CRLF1: variants seen among roughly 807,000 people sequenced by gnomAD.
CRLF1 encodes cytokine receptor-like factor 1.
Under a neutral mutation model 48.9 loss-of-function variants are expected in CRLF1, and 36 were observed. The ratio of observed to expected loss-of-function variants is 0.74; its 90% CI spans 0.56 to 0.97. The LOEUF (loss-of-function observed/expected upper bound fraction) is 0.97, where lower values mean the gene tolerates loss of function less well. Among genes scored for constraint, CRLF1 ranks in the 50% least tolerant of loss-of-function variants. CRLF1 has a pLI of 0.00. For synonymous variants in CRLF1, 256 were observed against 253.4 expected (o/e 1.01, Z -0.10); for missense variants, 534 against 575.1 (o/e 0.93, Z 0.73).
chr19:18,596,553 C>T (rs1976135161), intron 6 of CRLF1, 69 bp downstream of exon 6: 1 of 1,548,984 alleles, frequency 6.5e-7, no homozygotes. Flanking sequence ...GAAAAGAAAA[C>T]AAGGAAACAG....
At chr19:18,600,352 C>G (rs926238418) in intron 1 of CRLF1, among the ~76,000 whole-genome samples, 1 of 148,872 alleles carries the variant, frequency 6.7e-6, no homozygotes, top group African/African-American at 2.5e-5. Context: ...GTGTGCACCA[C>G]CATGCCTGAC....
intron 5 of CRLF1, 41 bp from the exon 6 acceptor site, chr19:18,596,831 A>C: frequency 1.2e-6 from 2 of 1,612,720 alleles, no homozygotes; most frequent in South Asian, 1.1e-5. Flanking sequence ...GGCGGGGCCT[A>C]GCAGGAGCGG....
chr19:18,606,475 C>T lies in CRLF1; in HGVS notation c.115+67G>A. The stretch of plus-strand genomic sequence containing the variant: ...GTGGCGCCCGCGCCCCCTCCCCCCG[C>T]GGCTGCCCCCGGGGCGCCCGCCCTC... On this transcript the variant is annotated intron_variant, in intron 1 of 8. Transcript: ENST00000392386. The surrounding 1 kb of genome is among the most constrained non-coding windows in gnomAD (Gnocchi z 4.8). 1.9e-6 allele frequency: 2 copies of T among 1,075,548 alleles called. No individual in the cohort carries two copies. Among genetic ancestry groups the T allele is most frequent in the Non-Finnish European group, 1.1e-6 (1 of 886,670 alleles). The allele number at this position is 1,075,548 out of a possible 1,614,324, so 66.6% of individuals were successfully genotyped here. A position where few individuals can be genotyped will look rare whatever the true frequency, so the allele number is the denominator to read the frequency against.
rs1393537495 is a variant in CRLF1, at chr19:18,596,915, C to T, written c.832G>A (p.Val278Met). The change falls in exon 5 of 9, where the codon GTG becomes ATG. Residue 278 changes from valine to methionine, a missense_variant. Coordinates refer to ENST00000392386, the MANE Select transcript of CRLF1 (RefSeq NM_004750.5). ...ACCTTCCAGTCCACACTGTCCTCCACTCGGTAGCGGATCTGGTATTTGGCT... is the reference window on the plus strand; with the variant it reads ...ACCTTCCAGTCCACACTGTCCTCCATTCGGTAGCGGATCTGGTATTTGGCT... The part of the protein sequence containing the change: ...FQAKYQIRYR[V>M]EDSVDWKVVD... The T allele has an allele frequency of 1.1e-5, 17 of 1,614,018 alleles. No homozygotes were observed. Among genetic ancestry groups the T allele is most frequent in the Non-Finnish European group, 1.3e-5 (15 of 1,180,026 alleles).
chr19:18,593,660 C>T (rs1162520649), intron 8 of CRLF1, 81 bp from the exon 9 acceptor site: 5 of 1,553,516 alleles, frequency 3.2e-6, no homozygotes, highest in Admixed American at 1.9e-5. Context: ...AGGCTTCATT[C>T]GTGTCCTGTC....
At chr19:18,595,564 T>TG (rs1341132317) in intron 6 of CRLF1, among the ~76,000 whole-genome samples, 3 of 152,168 alleles carry the variant, frequency 2.0e-5, no homozygotes, top group Non-Finnish European at 4.4e-5. Flanking sequence ...AGTGAAACCC[T>TG]GGGGGGATGG....
rs780531297 is a variant in CRLF1 at position 18,596,919 on chromosome 19, G to A, written c.828C>T (p.Tyr276=). The change falls in exon 5 of 9, where the codon TAC becomes TAT. Residue 276 remains tyrosine, a synonymous_variant. Transcript: ENST00000392386. ...FLFQAKYQIR[Y]RVEDSVDWKV... is the part of the protein sequence containing the mutation. ...TCCAGTCCACACTGTCCTCCACTCGGTAGCGGATCTGGTATTTGGCTTGAA... is the reference window on the plus strand; with the variant it reads ...TCCAGTCCACACTGTCCTCCACTCGATAGCGGATCTGGTATTTGGCTTGAA... 1.9e-6 allele frequency: 3 copies of A among 1,614,148 alleles called. No homozygotes were observed. The East Asian group carries it at 6.7e-5, about 36-fold the overall frequency.
At chr19:18,602,958 G>T (rs1334196460) in intron 1 of CRLF1, among the ~76,000 whole-genome samples, 1 of 152,286 alleles carries the variant, frequency 6.6e-6, no homozygotes, top group South Asian at 2.1e-4. Flanking sequence ...TGATCCACCC[G>T]CCTTGGCCTC....
Position 18,596,923 on chromosome 19 carries a change from C to A in CRLF1, c.824G>T (p.Arg275Leu). 1 of 1,614,100 alleles carries A rather than the reference C, an allele frequency of 6.2e-7. No individual in the cohort carries two copies. The highest frequency in any genetic ancestry group is 1.3e-5 in the African/African-American group (1 of 75,024). The part of the protein sequence containing the change: ...DFLFQAKYQI[R>L]YRVEDSVDWK... ...GTCCACACTGTCCTCCACTCGGTAG[C>A]GGATCTGGTATTTGGCTTGAAAGAG... The change falls in exon 5 of 9, where the codon CGC becomes CTC. Residue 275 changes from arginine (R) to leucine (L), a missense_variant. Physicochemically the swap from Arg to Leu is moderately radical, Grantham distance 102 (BLOSUM62 -2). Coordinates refer to ENST00000392386, the MANE Select transcript of CRLF1 (RefSeq NM_004750.5).
At chr19:18,598,036 A>G (rs966901791) in intron 4 of CRLF1, among the ~76,000 whole-genome samples, 1 of 152,070 alleles carries the variant, frequency 6.6e-6, no homozygotes, top group African/African-American at 2.4e-5. Context: ...GATTAGGCTC[A>G]ATTCTGCTCA....
At chr19:18,603,883 G>T (rs1480915953) in intron 1 of CRLF1, among the ~76,000 whole-genome samples, 10 of 151,318 alleles carry the variant, frequency 6.6e-5, no homozygotes, top group Non-Finnish European at 1.3e-4. Flanking sequence ...GGAGGCGGGG[G>T]CGGCCGAGGG....
intron 1 of CRLF1, among the ~76,000 whole-genome samples, chr19:18,601,350 C>A (rs1976218940): frequency 6.6e-6 from 1 of 151,920 alleles, no homozygotes; most frequent in Non-Finnish European, 1.5e-5. Flanking sequence ...GATCTCGGCT[C>A]ACCGCAATCT....
At chr19:18,603,871 G>A (rs961268492) in intron 1 of CRLF1, among the ~76,000 whole-genome samples, 24 of 151,224 alleles carry the variant, frequency 1.6e-4, no homozygotes, top group Admixed American at 1.4e-3. Context: ...GGCCAGAGCC[G>A]AGGAGGCGGG....
chr19:18,594,044 A>AC, intron 8 of CRLF1, 21 bp downstream of exon 8: 1 of 341,410 alleles, frequency 2.9e-6, no homozygotes, highest in Admixed American at 3.4e-5. Context: ...CCTCCCGCCC[A>AC]CCCATTCAGG....
At chr19:18,605,275 C>T (rs1311829648) in intron 1 of CRLF1, among the ~76,000 whole-genome samples, 1 of 152,176 alleles carries the variant, frequency 6.6e-6, no homozygotes, top group Non-Finnish European at 1.5e-5. Context: ...CCGAGGTAGC[C>T]CCTCACCTGA....
rs369342996 is a variant in CRLF1 at position 18,602,890 on chromosome 19, T to C, written c.116-3044A>G. Among the ~76,000 whole-genome samples, 20 of 152,164 alleles carry C rather than the reference T, an allele frequency of 1.3e-4. 1 individual carries two copies. Among genetic ancestry groups the C allele is most frequent in the African/African-American group, 4.8e-4 (20 of 41,548 alleles). Reference sequence around the variant, plus strand: ...CACACCCAGCTAATTTTTGTATTTTTAGGAGAGACGGAGTTTCGCCATGTT... The same window carrying C: ...CACACCCAGCTAATTTTTGTATTTTCAGGAGAGACGGAGTTTCGCCATGTT... On this transcript the variant is annotated intron_variant, in intron 1 of 8. Coordinates refer to ENST00000392386, the MANE Select transcript of CRLF1 (RefSeq NM_004750.5).
At position 18,604,366 on chromosome 19, in the gene CRLF1, G is replaced by C. The variant is rs78507620; in HGVS notation, c.115+2176C>G. Among the ~76,000 whole-genome samples the C allele has an allele frequency of 7.2e-5, 11 of 152,332 alleles. No homozygotes were observed. The East Asian group carries it at 2.1e-3, about 29-fold the overall frequency. ...TTAGCCCCAGCCGGTAAGGTCAGAA[G>C]GACACTTTCTCCTCCCGGGATATGG... is the stretch of plus-strand genomic sequence containing the variant. On this transcript the variant is annotated intron_variant, in intron 1 of 8. Coordinates refer to ENST00000392386, the MANE Select transcript of CRLF1 (RefSeq NM_004750.5).
At chr19:18,605,149 C>G (rs529406880) in intron 1 of CRLF1, among the ~76,000 whole-genome samples, 1 of 151,972 alleles carries the variant, frequency 6.6e-6, no homozygotes, top group East Asian at 1.9e-4. Context: ...AGTGCCCCCC[C>G]ACCCCCTACA....
chr19:18,594,032 T>TTGGGAC, intron 8 of CRLF1, 33 bp downstream of exon 8: 4 of 695,810 alleles, frequency 5.7e-6, no homozygotes, highest in Non-Finnish European at 6.6e-6. Flanking sequence ...CTCCCCTTGC[T>TTGGGAC]CCCTCCCGCC....
Sources: gnomAD v4.1 joint callset for allele counts (sites outside exome capture counted in the v4.1 genomes callset) on GRCh38, gnomAD v4.1.1 for gene constraint, Gnocchi (gnomAD v3.1) non-coding constraint, MANE v1.5 for transcripts, NCBI Gene and HGNC (gene_info 2026-07-23, HGNC 2026-07-21) for gene names.